The following C2CD3 variants were observed in gnomAD, a reference collection of about 807,000 sequenced individuals.
The protein encoded by C2CD3 is C2 domain containing 3 centriole elongation regulator.
A neutral mutation model predicts 234.0 loss-of-function variants in C2CD3; 148 were observed. The observed-to-expected ratio is 0.63, with a 90% confidence interval of 0.55 to 0.72. C2CD3 has a LOEUF of 0.72. Among genes scored for constraint, C2CD3 ranks in the 30% least tolerant of loss-of-function variants. C2CD3 has a pLI of 0.00. For synonymous variants in C2CD3, 1,000 were observed against 1,035.4 expected, an observed-to-expected ratio of 0.97 and a Z score of 0.66; for missense variants, 2,577 against 2,811.5, an observed-to-expected ratio of 0.92 and a Z score of 1.89.
At chr11:74,112,338 A>G (rs985752885) in intron 11 of C2CD3, among the ~76,000 whole-genome samples, 3 of 152,166 alleles carry the variant, frequency 2.0e-5, no homozygotes, top group African/African-American at 7.2e-5. Flanking sequence ...TTTGGGTGGC[A>G]GGAACATAAA....
chr11:74,024,833 G>A (rs1235368501), intron 32 of C2CD3, among the ~76,000 whole-genome samples: 2 of 152,046 alleles, frequency 1.3e-5, no homozygotes, highest in African/African-American at 4.8e-5. Flanking sequence ...TAGTGAGAGA[G>A]GCCCATCACT....
chr11:74,133,465 G>C lies in C2CD3; in HGVS notation c.1048C>G (p.His350Asp), dbSNP rs756947535. 4.3e-6 allele frequency: 7 copies of C among 1,613,626 alleles called. No individual in the cohort carries two copies. In the South Asian group the frequency reaches 6.6e-5, roughly 15 times the overall value. The stretch of plus-strand genomic sequence containing the variant: ...AGAGAATCTTCATTAATAGGAGGAT[G>C]AACTTGGTCCAACAACATGCTGGTC... ...PETSMLLDQV[H>D]PPINEDSLRA... The change falls in exon 6 of 33, where the codon CAT (histidine) becomes GAT (aspartate). Residue 350 changes from histidine to aspartate, a missense_variant. Physicochemically the swap from His to Asp is moderately conservative, Grantham distance 81 (BLOSUM62 -1). Transcript: ENST00000334126.
rs770773114 is a variant in C2CD3 at position 74,074,550 on chromosome 11, A to C, written c.4654T>G (p.Leu1552Val). Residue 1552 changes from leucine (L) to valine (V), a missense_variant, in exon 24 of 33, where the codon TTG becomes GTG. Coordinates refer to ENST00000334126, the MANE Select transcript of C2CD3 (RefSeq NM_001286577.2). The stretch of plus-strand genomic sequence containing the variant: ...GAGGAAAGAACCACATGAACTCGCA[A>C]GGCAGCTCCTGAGAGGTTGGAAGCA... ...RNASNLSGAA[L>V]RVHVVLSSLS... 80 of 1,614,082 alleles carry C rather than the reference A, an allele frequency of 5.0e-5. No homozygotes were observed. Among genetic ancestry groups the C allele is most frequent in the Non-Finnish European group, 6.7e-5 (79 of 1,180,020 alleles).
At chr11:74,141,667 T>A (rs138976213) in intron 3 of C2CD3, among the ~76,000 whole-genome samples, 116 of 152,252 alleles carry the variant, frequency 7.6e-4, no homozygotes, top group African/African-American at 2.7e-3. Context: ...TACTTGTTGA[T>A]ACCAGCTCTG....
chr11:74,034,619 A>T, intron 30 of C2CD3: 1 of 1,608,314 alleles, frequency 6.2e-7, no homozygotes, highest in South Asian at 1.1e-5. Flanking sequence ...CTATATTAAA[A>T]ATCAAAATGA....
chr11:74,164,148 T>C (rs59109060), intron 2 of C2CD3: 148,751 of 959,778 alleles, frequency 0.15, 12,064 homozygotes, highest in East Asian at 0.29. Context: ...AGTAGACTTC[T>C]GACCTTTATA....
At position 74,033,696 on chromosome 11, in the gene C2CD3, T is replaced by A; in HGVS notation, c.6464A>T (p.Glu2155Val). The A allele has an allele frequency of 6.5e-7, 1 of 1,536,306 alleles. No individual in the cohort carries two copies. The highest frequency in any genetic ancestry group is 1.4e-5 in the African/African-American group (1 of 73,138). ...GSPSQSLVAC[E>V]CEASKARVGG... Reference sequence around the variant, plus strand: ...AACCCTGGCCTTAGAGGCCTCACACTCACAAGCAACAAGACTTTGGCTAGG... The same window carrying A: ...AACCCTGGCCTTAGAGGCCTCACACACACAAGCAACAAGACTTTGGCTAGG... Residue 2155 changes from glutamate to valine, a missense_variant, in exon 31 of 33, where the codon GAG becomes GTG. Glu to Val is a moderately radical substitution (Grantham distance 121). Transcript: ENST00000334126.
chr11:74,147,843 A>G (rs2135553483), intron 3 of C2CD3, among the ~76,000 whole-genome samples: 1 of 152,348 alleles, frequency 6.6e-6, no homozygotes, highest in South Asian at 2.1e-4. Flanking sequence ...GGCATGAAAT[A>G]CATTCCTAAA....
chr11:74,050,019 A>T (rs1318701959), intron 26 of C2CD3, among the ~76,000 whole-genome samples: 1 of 152,038 alleles, frequency 6.6e-6, no homozygotes, highest in Non-Finnish European at 1.5e-5. Context: ...GCCTCAAGTG[A>T]TCCTCCTGCA....
intron 16 of C2CD3, among the ~76,000 whole-genome samples, chr11:74,097,562 T>C (rs1258581766): frequency 6.6e-6 from 1 of 152,240 alleles, no homozygotes; most frequent in Non-Finnish European, 1.5e-5. Flanking sequence ...TGAGAATGTA[T>C]GTCAATGTGC....
At position 74,093,532 on chromosome 11, in the gene C2CD3, G is replaced by A. The variant is rs935778056; in HGVS notation, c.3344+284C>T. On this transcript the variant is annotated intron_variant, in intron 18 of 32. Coordinates refer to ENST00000334126, the MANE Select transcript of C2CD3 (RefSeq NM_001286577.2). ...AGGCAGTAAGGGACGCACAAAAAAG[G>A]TGATTGATATGTTTAATACATAATA... Among the ~76,000 whole-genome samples, 5 of 152,026 alleles carry A rather than the reference G, an allele frequency of 3.3e-5. No homozygotes were observed. The East Asian group carries it at 9.6e-4, about 29-fold the overall frequency.
chr11:74,104,288 G>C (rs1278348643), intron 13 of C2CD3, among the ~76,000 whole-genome samples: 1 of 152,120 alleles, frequency 6.6e-6, no homozygotes, highest in Non-Finnish European at 1.5e-5. Context: ...TCCTGGACTA[G>C]AAAAAAATAT....
intron 3 of C2CD3, chr11:74,142,435 T>C (rs1170065434): frequency 6.6e-6 from 1 of 152,222 alleles, no homozygotes; most frequent in Admixed American, 6.5e-5. Context: ...TCCTGAACTA[T>C]GAAACATGAA....
At position 74,163,945 on chromosome 11, in the gene C2CD3, T is replaced by C. The variant is rs72984891; in HGVS notation, c.326-2389A>G. Among the ~76,000 whole-genome samples the C allele has an allele frequency of 1.1e-3, 170 of 152,318 alleles. 2 individuals carry two copies. The highest frequency in any genetic ancestry group is 1.9e-3 in the Non-Finnish European group (128 of 68,026). On this transcript the variant is annotated intron_variant, in intron 2 of 32. Transcript: ENST00000334126. ...ATCTCATTAATTCTCTTAACAACTC[T>C]ACGATACTGGTGTTTCTGTCTTCAT... is the stretch of plus-strand genomic sequence containing the variant.
At chr11:74,049,631 G>T in intron 26 of C2CD3, 89 bp from the exon 27 acceptor site, 2 of 1,003,944 alleles carry the variant, frequency 2.0e-6, no homozygotes, top group Non-Finnish European at 1.5e-6. Flanking sequence ...CTGATTCAGG[G>T]GATGGAGGAA....
At chr11:74,131,463 A>G (rs1957679309) in intron 7 of C2CD3, among the ~76,000 whole-genome samples, 2 of 152,164 alleles carry the variant, frequency 1.3e-5, no homozygotes, top group Admixed American at 1.3e-4. Flanking sequence ...GTCATAGTAT[A>G]AAATTATTTT....
intron 28 of C2CD3, among the ~76,000 whole-genome samples, chr11:74,045,466 G>C (rs528301507): frequency 6.6e-6 from 1 of 152,194 alleles, no homozygotes; most frequent in Admixed American, 6.5e-5. Flanking sequence ...TGTTGAATCT[G>C]TAGATCAACG....
chr11:74,161,646 T>C, intron 2 of C2CD3, 90 bp from the exon 3 acceptor site: 1 of 781,636 alleles, frequency 1.3e-6, no homozygotes, highest in Non-Finnish European at 1.9e-6. Context: ...GCGGAAAAGC[T>C]TTCTAACTTG....
chr11:74,057,058 C>G (rs1014252598), intron 25 of C2CD3, among the ~76,000 whole-genome samples: 28 of 152,176 alleles, frequency 1.8e-4, no homozygotes, highest in African/African-American at 6.5e-4. Context: ...GTCACCAAAC[C>G]CAGCTTGATG....
Sources: allele counts gnomAD v4.1 joint callset (sites outside exome capture counted in the v4.1 genomes callset), GRCh38; gene constraint gnomAD v4.1.1; transcripts MANE v1.5; gene names NCBI Gene and HGNC (gene_info 2026-07-23, HGNC 2026-07-21).